FHIT: variants seen among roughly 807,000 people sequenced by gnomAD.
FHIT encodes the protein fragile histidine triad diadenosine triphosphatase.
Under a neutral mutation model 17.9 loss-of-function variants are expected in FHIT, and 19 were observed. That is an observed-to-expected ratio of 1.06 (90% CI 0.74 to 1.56). The LOEUF (loss-of-function observed/expected upper bound fraction) is 1.56. Ranked by LOEUF, FHIT falls within the 40% of genes most tolerant of loss-of-function variation. FHIT has a pLI of 0.00. For missense variants in FHIT, 248 were observed against 189.2 expected, an observed-to-expected ratio of 1.31 and a Z score of -1.82; for synonymous variants, 81 against 69.7, an observed-to-expected ratio of 1.16 and a Z score of -0.81.
intron 5 of FHIT, among the ~76,000 whole-genome samples, chr3:60,320,807 T>C (rs1709392302): frequency 1.3e-5 from 2 of 152,310 alleles, no homozygotes; most frequent in South Asian, 2.1e-4. Context: ...TGGAGGAACA[T>C]ATTAATATTT....
chr3:61,020,770 C>T (rs7624473), intron 3 of FHIT, among the ~76,000 whole-genome samples: 3,421 of 151,864 alleles, frequency 0.023, 62 homozygotes, highest in African/African-American at 0.049. Context: ...TGTATCGGTG[C>T]GCTATATTCA....
chr3:60,902,899 A>C (rs1329120164), intron 3 of FHIT, among the ~76,000 whole-genome samples: 1 of 152,214 alleles, frequency 6.6e-6, no homozygotes, highest in Non-Finnish European at 1.5e-5. Context: ...GAAATCTTTC[A>C]TCAAGGAGGT....
intron 3 of FHIT, among the ~76,000 whole-genome samples, chr3:60,923,974 C>A (rs1030170370): frequency 1.3e-5 from 2 of 152,140 alleles, no homozygotes; most frequent in Admixed American, 6.5e-5. Flanking sequence ...GGAAAGCAGC[C>A]TGAGATCAAA....
chr3:59,772,286 A>C (rs1702108269), intron 8 of FHIT, among the ~76,000 whole-genome samples: 1 of 152,200 alleles, frequency 6.6e-6, no homozygotes, highest in Non-Finnish European at 1.5e-5. Flanking sequence ...CATCTCCTTG[A>C]ATCTCACTTT....
At chr3:60,926,468 G>A (rs1391193926) in intron 3 of FHIT, among the ~76,000 whole-genome samples, 14 of 152,068 alleles carry the variant, frequency 9.2e-5, no homozygotes, top group Admixed American at 4.6e-4. Flanking sequence ...TGGGTACGTC[G>A]CGAAATGAAG....
At chr3:59,896,366 G>A (rs974082328) in intron 8 of FHIT, among the ~76,000 whole-genome samples, 3 of 152,186 alleles carry the variant, frequency 2.0e-5, no homozygotes, top group Admixed American at 2.0e-4. Context: ...TGTGTTAACT[G>A]TCACTTACAA....
chr3:60,569,769 T>TTA (rs1232418692), intron 4 of FHIT, among the ~76,000 whole-genome samples: 1 of 83,964 alleles, frequency 1.2e-5, no homozygotes, highest in South Asian at 3.7e-4. Context: ...TTTTTTTTTT[T>TTA]AGACAGAGTT....
At chr3:60,861,121 G>A (rs1358645584) in intron 3 of FHIT, among the ~76,000 whole-genome samples, 11 of 66,496 alleles carry the variant, frequency 1.7e-4, no homozygotes, top group African/African-American at 6.4e-4. Context: ...TATCCTATAT[G>A]TGTATATATG....
intron 4 of FHIT, among the ~76,000 whole-genome samples, chr3:60,662,495 T>C (rs1306036039): frequency 1.3e-5 from 2 of 152,200 alleles, no homozygotes; most frequent in African/African-American, 4.8e-5. Context: ...ATTTGTTCTT[T>C]TTGCTTAGTC....
chr3:60,028,298 T>C (rs1700840491), intron 5 of FHIT, among the ~76,000 whole-genome samples: 1 of 152,230 alleles, frequency 6.6e-6, no homozygotes, highest in African/African-American at 2.4e-5. Context: ...ACAACACCAA[T>C]TCCCCAACAA....
In FHIT at chr3:60,019,483, A is replaced by G. The variant is rs541127300; in HGVS notation, c.104-5331T>C. 6.0e-5 allele frequency among the ~76,000 whole-genome samples: 9 copies of G among 149,650 alleles called. 1 individual carries two copies. The South Asian group carries it at 8.7e-4, about 14-fold the overall frequency. On this transcript the variant is annotated intron_variant, in intron 5 of 9. Coordinates refer to ENST00000492590, the MANE Select transcript of FHIT (RefSeq NM_002012.4). ...GCCCAGGCTGGAGAGCAATGGCACA[A>G]TCTCAGCTCAGTGCAACCTCTGCTT... is the stretch of plus-strand genomic sequence containing the variant.
At chr3:61,082,085 A>G (rs2035157324) in intron 2 of FHIT, among the ~76,000 whole-genome samples, 2 of 150,182 alleles carry the variant, frequency 1.3e-5, no homozygotes, top group Non-Finnish European at 3.0e-5. Flanking sequence ...AGATTCTCCA[A>G]AAAAAAAAAG....
At chr3:61,073,955 C>A (rs147907943) in intron 2 of FHIT, among the ~76,000 whole-genome samples, 11 of 152,220 alleles carry the variant, frequency 7.2e-5, no homozygotes, top group Non-Finnish European at 1.5e-4. Flanking sequence ...AACAAAGCAG[C>A]GGTTTATTCT....
chr3:60,630,098 C>A (rs566215353), intron 4 of FHIT, among the ~76,000 whole-genome samples: 1 of 152,126 alleles, frequency 6.6e-6, no homozygotes, highest in Non-Finnish European at 1.5e-5. Context: ...AAACAGGAAC[C>A]CTACCTGACT....
intron 4 of FHIT, among the ~76,000 whole-genome samples, chr3:60,549,863 G>A (rs957143641): frequency 6.6e-6 from 1 of 152,128 alleles, no homozygotes; most frequent in Non-Finnish European, 1.5e-5. Context: ...ATTATGGCCA[G>A]GAATATTAAG....
At chr3:59,776,619 G>A (rs1391362213) in intron 8 of FHIT, among the ~76,000 whole-genome samples, 1 of 152,070 alleles carries the variant, frequency 6.6e-6, no homozygotes, top group Non-Finnish European at 1.5e-5. Flanking sequence ...CCTCCTAAAT[G>A]GACCCCTTGC....
intron 3 of FHIT, among the ~76,000 whole-genome samples, chr3:60,828,872 C>G (rs1330901959): frequency 6.6e-6 from 1 of 152,078 alleles, no homozygotes; most frequent in Non-Finnish European, 1.5e-5. Flanking sequence ...AAGTGAAATG[C>G]TGTCTCAAAA....
At chr3:60,008,806 G>A (rs938161684) in intron 7 of FHIT, among the ~76,000 whole-genome samples, 1 of 152,216 alleles carries the variant, frequency 6.6e-6, no homozygotes, top group African/African-American at 2.4e-5. Flanking sequence ...GAATATTAAA[G>A]ATGCTGCTTT....
At chr3:59,896,860 C>T (rs759669415) in intron 8 of FHIT, among the ~76,000 whole-genome samples, 41 of 151,974 alleles carry the variant, frequency 2.7e-4, no homozygotes, top group African/African-American at 9.2e-4. Flanking sequence ...TGGAACATAA[C>T]GCAAGTGTAA....
Sources: gnomAD v4.1 joint callset for allele counts (sites outside exome capture counted in the v4.1 genomes callset) on GRCh38, gnomAD v4.1.1 for gene constraint, MANE v1.5 for transcripts, NCBI Gene and HGNC (gene_info 2026-07-23, HGNC 2026-07-21) for gene names.